Variants in UQCC2 observed in about 807,000 individuals in gnomAD.
The protein encoded by UQCC2 is breast cancer-associated protein SGA-81M.
UQCC2 carries 21 observed loss-of-function variants against 19.9 expected under a neutral mutation model. That is an observed-to-expected ratio of 1.05 (90% CI 0.75 to 1.52). The LOEUF (loss-of-function observed/expected upper bound fraction) is 1.52. Among genes scored for constraint, UQCC2 ranks in the 40% most tolerant of loss-of-function variants. The probability of loss-of-function intolerance (pLI) is 0.00; values close to 1 mark genes in which losing one functional copy is unlikely to be tolerated. For missense variants in UQCC2, 135 were observed against 157.5 expected, an observed-to-expected ratio of 0.86 and a Z score of 0.76; for synonymous variants, 57 against 60.9, an observed-to-expected ratio of 0.94 and a Z score of 0.30.
At chr6:33,710,071 T>C (rs1332532005) in intron 1 of UQCC2, among the ~76,000 whole-genome samples, 1 of 152,196 alleles carries the variant, frequency 6.6e-6, no homozygotes, top group African/African-American at 2.4e-5. Context: ...ATCTAGGTGC[T>C]ATCTTTGGTT....
chr6:33,705,033 C>CT (rs544104803), intron 1 of UQCC2, among the ~76,000 whole-genome samples: 30,013 of 131,240 alleles, frequency 0.23, 4,130 homozygotes, highest in East Asian at 0.66. Flanking sequence ...ACTCTCACTT[C>CT]TTTTTTTTTT....
intron 1 of UQCC2, among the ~76,000 whole-genome samples, chr6:33,706,018 G>T (rs149485984): frequency 6.6e-6 from 1 of 152,096 alleles, no homozygotes; most frequent in Non-Finnish European, 1.5e-5. Context: ...CTGTTCAGTC[G>T]TCAGTAAATT....
intron 2 of UQCC2, 121 bp downstream of exon 2, chr6:33,701,225 G>T: frequency 9.6e-7 from 1 of 1,039,142 alleles, no homozygotes; most frequent in Non-Finnish European, 1.4e-6. Flanking sequence ...TGAAATTACT[G>T]GTTTCATTTG....
chr6:33,711,482 C>G, intron 1 of UQCC2, 67 bp downstream of exon 1: 1 of 1,514,532 alleles, frequency 6.6e-7, no homozygotes, highest in Non-Finnish European at 8.8e-7. Flanking sequence ...CCTGCTAGCG[C>G]GCTCGTTGGC....
intron 1 of UQCC2, among the ~76,000 whole-genome samples, chr6:33,703,453 A>C (rs1312148260): frequency 6.6e-6 from 1 of 152,074 alleles, no homozygotes; most frequent in Non-Finnish European, 1.5e-5. Context: ...TTTAACAGAC[A>C]TTCATCGAGA....
chr6:33,701,214 T>C lies in UQCC2; in HGVS notation c.213+132A>G, dbSNP rs193124286. ...CTACCAGGCACCTCTGTTGGCTTGG[T>C]TGAAATTACTGGTTTCATTTGAACG... On this transcript the variant is annotated intron_variant, in intron 2 of 3. Coordinates refer to ENST00000607484, the MANE Select transcript of UQCC2 (RefSeq NM_032340.4). 3.0e-4 allele frequency: 289 copies of C among 959,458 alleles called. 1 individual carries two copies. In the African/African-American group the frequency reaches 3.8e-3, roughly 13 times the overall value. The allele number at this position is 959,458 out of a possible 1,614,324, so 59.4% of individuals were successfully genotyped here. A position where few individuals can be genotyped will look rare whatever the true frequency, so the allele number is the denominator to read the frequency against.
chr6:33,711,264 G>T (rs1765766563), intron 1 of UQCC2, among the ~76,000 whole-genome samples: 1 of 152,124 alleles, frequency 6.6e-6, no homozygotes, highest in Non-Finnish European at 1.5e-5. Flanking sequence ...CTCCCGCCTC[G>T]GCCTCTCAAA....
At chr6:33,704,842 T>C (rs1765680778) in intron 1 of UQCC2, among the ~76,000 whole-genome samples, 1 of 152,148 alleles carries the variant, frequency 6.6e-6, no homozygotes, top group African/African-American at 2.4e-5. Flanking sequence ...AGCAACCTTG[T>C]ATCACACCCT....
At chr6:33,701,727 T>C (rs1765642444) in intron 1 of UQCC2, among the ~76,000 whole-genome samples, 1 of 151,914 alleles carries the variant, frequency 6.6e-6, no homozygotes, top group Non-Finnish European at 1.5e-5. Flanking sequence ...CAGTGGGAGA[T>C]GCCACAATAG....
chr6:33,711,690 G>C lies in UQCC2; in HGVS notation c.-4C>G, dbSNP rs754881904. The stretch of plus-strand genomic sequence containing the variant: ...GCCGGTACCGGCTGGCCGCCATCTT[G>C]GGCCCCGCGTGTTCCCGCCTTAGCG... On this transcript the variant is annotated 5_prime_UTR_variant, in exon 1 of 4. Transcript: ENST00000607484. 3.7e-6 allele frequency: 6 copies of C among 1,606,168 alleles called. No homozygotes were observed. Among genetic ancestry groups the C allele is most frequent in the Non-Finnish European group, 5.1e-6 (6 of 1,177,422 alleles).
At chr6:33,707,504 T>C (rs542983601) in intron 1 of UQCC2, among the ~76,000 whole-genome samples, 1 of 152,288 alleles carries the variant, frequency 6.6e-6, no homozygotes, top group Non-Finnish European at 1.5e-5. Context: ...GAAATACCAT[T>C]TACCTTATTA....
chr6:33,700,448 G>A lies in UQCC2; in HGVS notation c.279C>T (p.Ser93=), dbSNP rs768302370. ...AGGCAGCTGTGCTTTCATTACCTGT[G>A]GACAGGATCAGCTTGTACTCTTCCA... ...LSLEEYKLIL[S]TDTLEELKEI... is the part of the protein sequence containing the mutation. Residue 93 remains serine (S), a synonymous_variant, in exon 3 of 4, where the codon TCC becomes TCT. Coordinates refer to ENST00000607484, the MANE Select transcript of UQCC2 (RefSeq NM_032340.4). 3 of 1,614,060 alleles carry A rather than the reference G, an allele frequency of 1.9e-6. 1 individual carries two copies. In the South Asian group the frequency reaches 3.3e-5, roughly 18 times the overall value.
rs2127333788 is a variant in UQCC2 at position 33,700,526 on chromosome 6, G to A, written c.214-13C>T. The A allele has an allele frequency of 1.2e-6, 2 of 1,613,954 alleles. No individual in the cohort carries two copies. Among genetic ancestry groups the A allele is most frequent in the East Asian group, 2.2e-5 (1 of 44,870 alleles). The stretch of plus-strand genomic sequence containing the variant: ...TGGGGCGAGGGTACTGGTCACCGGG[G>A]CAGAAAGGAAGTGAAGGGAGGGGAG... On this transcript the variant is annotated splice_polypyrimidine_tract_variant and intron_variant, in intron 2 of 3. Transcript: ENST00000607484.
At chr6:33,706,908 C>T (rs1765706623) in intron 1 of UQCC2, among the ~76,000 whole-genome samples, 2 of 152,184 alleles carry the variant, frequency 1.3e-5, no homozygotes. Context: ...CCTTGCTGAG[C>T]CTGGGGCTCA....
At chr6:33,700,998 A>T (rs1765633083) in intron 2 of UQCC2, among the ~76,000 whole-genome samples, 1 of 152,210 alleles carries the variant, frequency 6.6e-6, no homozygotes, top group South Asian at 2.1e-4. Context: ...TCCCATCTTT[A>T]TCACCAGAAT....
rs549373154 is a variant in UQCC2 at position 33,700,650 on chromosome 6, G to A, written c.214-137C>T. On this transcript the variant is annotated intron_variant, in intron 2 of 3. Transcript: ENST00000607484. The stretch of plus-strand genomic sequence containing the variant: ...GCAAGGAGAAGAGCAGCGCCACCTC[G>A]AGGTCAAGACTTGGCCTCGCAAGAA... 7.5e-5 allele frequency: 63 copies of A among 840,800 alleles called. No individual in the cohort carries two copies. In the African/African-American group the frequency reaches 1.0e-3, roughly 13 times the overall value. 52.1% of individuals were successfully genotyped at this position (840,800 alleles called of 1,614,324 possible). A position where few individuals can be genotyped will look rare whatever the true frequency, so the allele number is the denominator to read the frequency against.
chr6:33,709,184 C>T (rs1765735746), intron 1 of UQCC2, among the ~76,000 whole-genome samples: 1 of 152,240 alleles, frequency 6.6e-6, no homozygotes, highest in Non-Finnish European at 1.5e-5. Flanking sequence ...CAACTGTAAG[C>T]TCCTCAGTGG....
Position 33,711,586 on chromosome 6 carries a change from C to T in UQCC2, c.101G>A (p.Arg34Gln), listed in dbSNP as rs368187806. Residue 34 changes from arginine (R) to glutamine (Q), a missense_variant, in exon 1 of 4, where the codon CGG becomes CAG. By Grantham distance (43) the Arg-to-Gln change is conservative. Coordinates refer to ENST00000607484, the MANE Select transcript of UQCC2 (RefSeq NM_032340.4). ...GRDLGAYLRQRVAQAFREGEN... is the reference protein window; with the variant it reads ...GRDLGAYLRQQVAQAFREGEN... ...TCCCTCCCGAAAGGCCTGTGCTACC[C>T]GCTGTCGCAGGTAAGCGCCCAAGTC... The T allele has an allele frequency of 1.9e-6, 3 of 1,613,944 alleles. No individual in the cohort carries two copies. Among genetic ancestry groups the T allele is most frequent in the Non-Finnish European group, 2.5e-6 (3 of 1,179,900 alleles).
At position 33,704,539 on chromosome 6, in the gene UQCC2, T is replaced by A. The variant is rs368794452; in HGVS notation, c.139-3119A>T. Among the ~76,000 whole-genome samples, 15 of 152,308 alleles carry A rather than the reference T, an allele frequency of 9.8e-5. No homozygotes were observed. The East Asian group carries it at 1.5e-3, about 16-fold the overall frequency. On this transcript the variant is annotated intron_variant, in intron 1 of 3. Transcript: ENST00000607484. ...CTCTCAGCAGTCACTGAGCTCTCCATGGTCTGCCGAGAGAGCAGCTGTTTG... is the reference window on the plus strand; with the variant it reads ...CTCTCAGCAGTCACTGAGCTCTCCAAGGTCTGCCGAGAGAGCAGCTGTTTG...
Sources: allele counts gnomAD v4.1 joint callset (sites outside exome capture counted in the v4.1 genomes callset), GRCh38; gene constraint gnomAD v4.1.1; transcripts MANE v1.5; gene names NCBI Gene and HGNC (gene_info 2026-07-23, HGNC 2026-07-21).